The following MLLT6 variants were observed in gnomAD, a reference collection of about 807,000 sequenced individuals.
MLLT6 encodes the protein protein AF-17.
MLLT6 carries 22 observed loss-of-function variants against 103.0 expected under a neutral mutation model. That is an observed-to-expected ratio of 0.21 (90% CI 0.15 to 0.31). The LOEUF is 0.31. Ranked by LOEUF, MLLT6 falls within the 10% of genes least tolerant of loss-of-function variation. MLLT6 has a pLI of 1.00. For synonymous variants in MLLT6, 606 were observed against 623.5 expected (o/e 0.97, Z 0.42); for missense variants, 1,199 against 1,441.7 (o/e 0.83, Z 2.73).
At chr17:38,720,789 C>G in intron 16 of MLLT6, 42 bp downstream of exon 16, 1 of 1,552,304 alleles carries the variant, frequency 6.4e-7, no homozygotes, top group Non-Finnish European at 8.9e-7. Context: ...GGGGGAGACT[C>G]AAGGCTCTCC....
At chr17:38,717,031 T>C in intron 10 of MLLT6, 50 bp downstream of exon 10, 1 of 1,604,500 alleles carries the variant, frequency 6.2e-7, no homozygotes, top group Non-Finnish European at 8.5e-7. Flanking sequence ...GCCAGTCTAG[T>C]GAGGAACAGA....
rs191525756 is a variant in MLLT6 at position 38,724,191 on chromosome 17, G to A, written c.2884-429G>A. 4.1e-3 allele frequency: 642 copies of A among 157,640 alleles called. 6 individuals are homozygous for A. Among genetic ancestry groups the A allele is most frequent in the African/African-American group, 0.014 (602 of 41,814 alleles). The allele number at this position is 157,640 out of a possible 1,614,324, so 9.8% of individuals were successfully genotyped here. The stretch of plus-strand genomic sequence containing the variant: ...GAATCGCTTGAACCCAGGAGGTGGA[G>A]GTTGCAGTCAGCCAATATCGCACCA... On this transcript the variant is annotated intron_variant, in intron 18 of 19. Coordinates refer to ENST00000621332, the MANE Select transcript of MLLT6 (RefSeq NM_005937.4). This position sits in a 1 kb window ranked among gnomAD's most constrained non-coding sequence, Gnocchi z 5.4.
Position 38,720,354 on chromosome 17 carries a change from T to C in MLLT6, c.2156-18T>C. On this transcript the variant is annotated intron_variant, in intron 14 of 19. Transcript: ENST00000621332. ...CCGCCCCCTCGCCCCTCCCTCAGGTTCCTCGCTCTCTCCGCAGTCGTGGAG... is the reference window on the plus strand; with the variant it reads ...CCGCCCCCTCGCCCCTCCCTCAGGTCCCTCGCTCTCTCCGCAGTCGTGGAG... 7.3e-7 allele frequency: 1 copy of C among 1,368,514 alleles called. No homozygotes were observed. The highest frequency in any genetic ancestry group is 9.7e-7 in the Non-Finnish European group (1 of 1,026,112). 84.8% of individuals were successfully genotyped at this position (1,368,514 alleles called of 1,614,324 possible).
At chr17:38,722,273 G>A in intron 17 of MLLT6, 46 bp downstream of exon 17, 1 of 1,322,888 alleles carries the variant, frequency 7.6e-7, no homozygotes. Context: ...GTGGGGGGCT[G>A]GCTCTGGGAA....
At position 38,705,294 on chromosome 17, in the gene MLLT6, C is replaced by T. The variant is rs1352579029; in HGVS notation, c.-339C>T. On this transcript the variant is annotated 5_prime_UTR_variant, in exon 1 of 20. Coordinates refer to ENST00000621332, the MANE Select transcript of MLLT6 (RefSeq NM_005937.4). ...ATGTGCCACTCGGCGCCTCCCCCGC[C>T]GGGCTCGGGCTACGCGGCGGCGGGG... Among the ~76,000 whole-genome samples, 4 of 144,198 alleles carry T rather than the reference C, an allele frequency of 2.8e-5. No individual in the cohort carries two copies. The highest frequency in any genetic ancestry group is 6.1e-5 in the Non-Finnish European group (4 of 65,236). 94.6% of individuals were successfully genotyped at this position (144,198 alleles called of 152,430 possible).
Position 38,720,550 on chromosome 17 carries a change from C to T in MLLT6, c.2334C>T (p.Pro778=), listed in dbSNP as rs1905665991. 4 of 1,612,106 alleles carry T rather than the reference C, an allele frequency of 2.5e-6. No homozygotes were observed. The highest frequency in any genetic ancestry group is 1.3e-5 in the African/African-American group (1 of 75,044). ...CCGCCAACGGCCCTGTCCCTGGGCCCTATGGCCTGCCTCCCCAAGGTGAGG... is the reference window on the plus strand; with the variant it reads ...CCGCCAACGGCCCTGTCCCTGGGCCTTATGGCCTGCCTCCCCAAGGTGAGG... ...LPAANGPVPG[P]YGLPPQAGSS... The change falls in exon 15 of 20, where the codon CCC becomes CCT. Residue 778 remains proline, a synonymous_variant. Coordinates refer to ENST00000621332, the MANE Select transcript of MLLT6 (RefSeq NM_005937.4).
At position 38,727,804 on chromosome 17, in the gene MLLT6, A is replaced by G. The variant is rs1214045731; in HGVS notation, c.*2206A>G. 2 of 230,306 alleles carry G rather than the reference A, an allele frequency of 8.7e-6. No individual in the cohort carries two copies. Among genetic ancestry groups the G allele is most frequent in the East Asian group, 1.2e-4 (2 of 16,226 alleles). The allele number at this position is 230,306 out of a possible 1,614,324, so 14.3% of individuals were successfully genotyped here. A position where few individuals can be genotyped will look rare whatever the true frequency, so the allele number is the denominator to read the frequency against. ...AGTGAGACTCTGTCTCAAAAGAGAA[A>G]AAAAAAGAAAAGTAACCTTCAGAGA... On this transcript the variant is annotated 3_prime_UTR_variant, in exon 20 of 20. Transcript: ENST00000621332.
chr17:38,716,930 C>T lies in MLLT6; in HGVS notation c.1600C>T (p.Pro534Ser), dbSNP rs1261881331. Residue 534 changes from proline to serine, a missense_variant, in exon 10 of 20, where the codon CCT becomes TCT. By Grantham distance (74) the Pro-to-Ser change is moderately conservative. Coordinates refer to ENST00000621332, the MANE Select transcript of MLLT6 (RefSeq NM_005937.4). This position sits in a 1 kb window ranked among gnomAD's most constrained non-coding sequence, Gnocchi z 5.6. ...AGGTCTGTCCTCCCGAACCTTTGGG[C>T]CTTCTGGGAGCTTGCCCAGCTTGAG... is the stretch of plus-strand genomic sequence containing the variant. ...LGGLSSRTFG[P>S]SGSLPSLSLE... The T allele has an allele frequency of 1.2e-6, 2 of 1,613,684 alleles. No homozygotes were observed.
chr17:38,724,795 C>T lies in MLLT6; in HGVS notation c.3059C>T (p.Pro1020Leu), dbSNP rs776718117. 80 of 1,605,592 alleles carry T rather than the reference C, an allele frequency of 5.0e-5. No individual in the cohort carries two copies. The highest frequency in any genetic ancestry group is 6.4e-5 in the Non-Finnish European group (75 of 1,176,514). ...PGLLPTASAP[P>L]LLPAGALVAP... is the part of the protein sequence containing the mutation. ...CTGCTGCCCACAGCGTCTGCTCCAC[C>T]CCTGCTGCCCGCTGGAGCCCTAGTG... The change falls in exon 19 of 20, where the codon CCC (proline) becomes CTC (leucine). Residue 1020 changes from proline to leucine, a missense_variant. Physicochemically the swap from Pro to Leu is moderately conservative, Grantham distance 98. Transcript: ENST00000621332. The surrounding 1 kb of genome is among the most constrained non-coding windows in gnomAD (Gnocchi z 5.4).
chr17:38,720,460 G>C lies in MLLT6; in HGVS notation c.2244G>C (p.Glu748Asp), dbSNP rs1905658989. 1 of 1,612,998 alleles carries C rather than the reference G, an allele frequency of 6.2e-7. No individual in the cohort carries two copies. The highest frequency in any genetic ancestry group is 8.5e-7 in the Non-Finnish European group (1 of 1,179,982). Reference sequence around the variant, plus strand: ...TCCTGAGCCTGACGGCCAAAAAGGAGCGGCTGCAGATTCTCAACGTGCAGC... The same window carrying C: ...TCCTGAGCCTGACGGCCAAAAAGGACCGGCTGCAGATTCTCAACGTGCAGC... ...EQILSLTAKK[E>D]RLQILNVQLS... Residue 748 changes from glutamate to aspartate, a missense_variant, in exon 15 of 20, where the codon GAG becomes GAC. Glu to Asp is a conservative substitution (Grantham distance 45). Around this residue, in one of 7 missense-constraint regions of MLLT6, gnomAD observed 1,034 missense variants for 1,091.5 expected, o/e 0.95. Transcript: ENST00000621332.
At chr17:38,718,721 T>G (rs1228050073) in intron 12 of MLLT6, 1 of 151,920 alleles carries the variant, frequency 6.6e-6, no homozygotes, top group Admixed American at 6.6e-5. Context: ...CTTACGGAGG[T>G]CTCAACCTCT....
intron 17 of MLLT6, 39 bp downstream of exon 17, chr17:38,722,266 G>T (rs1413889941): frequency 7.5e-7 from 1 of 1,337,844 alleles, no homozygotes; most frequent in Non-Finnish European, 9.6e-7. Flanking sequence ...GAACAGGGTG[G>T]GGGGCTGGCT....
rs1904844604 is a variant in MLLT6 at position 38,705,339 on chromosome 17, AGCGGCGCGGAGGGGGCGAGCCCGGCGT to A, written c.-290_-264del. Among the ~76,000 whole-genome samples, 1 of 131,666 alleles carries A rather than the reference AGCGGCGCGGAGGGGGCGAGCCCGGCGT, an allele frequency of 7.6e-6. No homozygotes were observed. The highest frequency in any genetic ancestry group is 1.6e-5 in the Non-Finnish European group (1 of 61,072). 86.4% of individuals were successfully genotyped at this position (131,666 alleles called of 152,430 possible). A position where few individuals can be genotyped will look rare whatever the true frequency, so the allele number is the denominator to read the frequency against. On this transcript the variant is annotated 5_prime_UTR_variant, in exon 1 of 20. Transcript: ENST00000621332. ...GCGGGGCGGCCCTAGGAGCCGGGCG[AGCGGCGCGGAGGGGGCGAGCCCGGCGT>A]GCGAGTCTCATTGTTGTGGGGGGGG...
Position 38,708,959 on chromosome 17 carries a change from G to A in MLLT6, c.355-214G>A, listed in dbSNP as rs181109299. 76 of 535,568 alleles carry A rather than the reference G, an allele frequency of 1.4e-4. No individual in the cohort carries two copies. In the Admixed American group the frequency reaches 2.7e-3, roughly 19 times the overall value. The allele number at this position is 535,568 out of a possible 1,614,324, so 33.2% of individuals were successfully genotyped here. ...GTTTAGAATCTAGTTCCTCAGTCACGCTAGCCATAGTTCAAGTGCTTATAG... is the reference window on the plus strand; with the variant it reads ...GTTTAGAATCTAGTTCCTCAGTCACACTAGCCATAGTTCAAGTGCTTATAG... On this transcript the variant is annotated intron_variant, in intron 4 of 19. Coordinates refer to ENST00000621332, the MANE Select transcript of MLLT6 (RefSeq NM_005937.4).
chr17:38,715,620 C>G lies in MLLT6; in HGVS notation c.828C>G (p.Ser276=), dbSNP rs371519405. 2 of 1,612,346 alleles carry G rather than the reference C, an allele frequency of 1.2e-6. No individual in the cohort carries two copies. The highest frequency in any genetic ancestry group is 1.7e-6 in the Non-Finnish European group (2 of 1,179,326). The change falls in exon 9 of 20, where the codon TCC becomes TCG. Residue 276 remains serine, a synonymous_variant. Coordinates refer to ENST00000621332, the MANE Select transcript of MLLT6 (RefSeq NM_005937.4). ...PVVPTADKVS[S]SASSSSHHEA... ...TCTCTCCTCTCCTTCAGGTCTCCTC[C>G]TCGGCTTCCTCTTCCTCCCACCACG...
At chr17:38,723,318 G>T (rs973895924) in intron 18 of MLLT6, among the ~76,000 whole-genome samples, 10 of 152,136 alleles carry the variant, frequency 6.6e-5, no homozygotes, top group Admixed American at 3.9e-4. Flanking sequence ...TGGGCAACTT[G>T]GTGAAACTGA....
intron 8 of MLLT6, chr17:38,713,178 G>C (rs1322168346): frequency 1.6e-6 from 1 of 622,040 alleles, no homozygotes; most frequent in South Asian, 2.0e-5. Context: ...CCCAAAGCTT[G>C]TCACCCAACC....
At chr17:38,715,893 C>T in intron 9 of MLLT6, 65 bp downstream of exon 9, 1 of 1,399,716 alleles carries the variant, frequency 7.1e-7, no homozygotes, top group South Asian at 1.3e-5. Context: ...GCTTTTCTGG[C>T]AAGGGACTTT....
chr17:38,708,826 C>T (rs1002760814), intron 4 of MLLT6, among the ~76,000 whole-genome samples: 3 of 152,082 alleles, frequency 2.0e-5, no homozygotes, highest in African/African-American at 4.8e-5. Context: ...ACCCAGGAGG[C>T]GGAGGAGGTT....
Sources: allele counts gnomAD v4.1 joint callset (sites outside exome capture counted in the v4.1 genomes callset), GRCh38; gene constraint gnomAD v4.1.1; regional missense constraint gnomAD v4.1.1; non-coding constraint Gnocchi (gnomAD v3.1); transcripts MANE v1.5; gene names NCBI Gene and HGNC (gene_info 2026-07-23, HGNC 2026-07-21).